The following AUTS2 variants were observed in gnomAD, a reference collection of about 807,000 sequenced individuals.
The protein encoded by AUTS2 is autism susceptibility gene 2 protein.
In AUTS2, 17 loss-of-function variants were observed where a neutral mutation model predicts 112.4. That is an observed-to-expected ratio of 0.15 (90% CI 0.10 to 0.23). AUTS2 has a LOEUF of 0.23. Among genes scored for constraint, AUTS2 ranks in the 10% least tolerant of loss-of-function variants. The pLI is 1.00. For missense variants in AUTS2, 1,510 were observed against 1,701.6 expected, an observed-to-expected ratio of 0.89 and a Z score of 1.98; for synonymous variants, 751 against 702.7, an observed-to-expected ratio of 1.07 and a Z score of -1.09.
At chr7:70,033,915 C>T (rs141621413) in intron 2 of AUTS2, among the ~76,000 whole-genome samples, 186 of 152,044 alleles carry the variant, frequency 1.2e-3, no homozygotes, top group African/African-American at 4.2e-3. Flanking sequence ...GGGTGAACAC[C>T]GTTAATCTTT....
At chr7:70,716,221 G>A (rs1159915296) in intron 6 of AUTS2, among the ~76,000 whole-genome samples, 11 of 152,308 alleles carry the variant, frequency 7.2e-5, no homozygotes, top group Admixed American at 5.2e-4. Flanking sequence ...TTACCTGTGA[G>A]AACACTGGTG....
At chr7:70,512,839 A>AG (rs1799251838) in intron 5 of AUTS2, among the ~76,000 whole-genome samples, 1 of 150,210 alleles carries the variant, frequency 6.7e-6, no homozygotes, top group South Asian at 2.1e-4. Context: ...CACTTAAAGA[A>AG]AAAAAAAAAA....
intron 1 of AUTS2, among the ~76,000 whole-genome samples, chr7:69,674,057 G>T (rs1348058732): frequency 6.6e-6 from 1 of 152,234 alleles, no homozygotes; most frequent in Non-Finnish European, 1.5e-5. Context: ...TCTTGCTCCT[G>T]TTTTGCAAAG....
At chr7:70,333,356 G>C (rs1790844709) in intron 4 of AUTS2, among the ~76,000 whole-genome samples, 1 of 152,188 alleles carries the variant, frequency 6.6e-6, no homozygotes, top group South Asian at 2.1e-4. Context: ...TACACTGTTG[G>C]TGGGAGTGTA....
At chr7:70,267,071 A>T (rs1014194770) in intron 4 of AUTS2, among the ~76,000 whole-genome samples, 9 of 152,206 alleles carry the variant, frequency 5.9e-5, no homozygotes, top group African/African-American at 1.9e-4. Flanking sequence ...AAATCAAATC[A>T]TATCTGCTTT....
chr7:70,141,031 G>A (rs1806834140), intron 4 of AUTS2, among the ~76,000 whole-genome samples: 2 of 152,166 alleles, frequency 1.3e-5, no homozygotes, highest in African/African-American at 4.8e-5. Context: ...TAGAGCACTT[G>A]GAAGTATAAA....
At chr7:69,631,012 AG>A (rs1308004300) in intron 1 of AUTS2, among the ~76,000 whole-genome samples, 2 of 152,030 alleles carry the variant, frequency 1.3e-5, no homozygotes, top group African/African-American at 4.8e-5. Context: ...GATTACCTAT[AG>A]GGCATTGGTC....
intron 1 of AUTS2, among the ~76,000 whole-genome samples, chr7:69,696,802 T>C (rs1390946106): frequency 6.6e-6 from 1 of 152,238 alleles, no homozygotes. Context: ...TTGACTTTTG[T>C]ATTTTCATTG....
chr7:70,764,793 C>T lies in AUTS2; in HGVS notation c.1256C>T (p.Pro419Leu). The T allele has an allele frequency of 1.1e-6, 1 of 871,592 alleles. No homozygotes were observed. The highest frequency in any genetic ancestry group is 1.9e-6 in the Non-Finnish European group (1 of 525,390). 54.0% of individuals were successfully genotyped at this position (871,592 alleles called of 1,614,324 possible). ...ACTCCAGCGAAGACTCAGCCCGCCC[C>T]ACCTCACATCTCCCACCACCCCTCT... ...SSTPAKTQPA[P>L]PHISHHPSAS... is the part of the protein sequence containing the mutation. The change falls in exon 8 of 19, where the codon CCA (proline) becomes CTA (leucine). Residue 419 changes from proline to leucine, a missense_variant. By Grantham distance (98) the Pro-to-Leu change is moderately conservative. Coordinates refer to ENST00000342771, the MANE Select transcript of AUTS2 (RefSeq NM_015570.4).
intron 1 of AUTS2, among the ~76,000 whole-genome samples, chr7:69,886,066 A>G (rs1794258174): frequency 6.6e-6 from 1 of 152,218 alleles, no homozygotes; most frequent in Admixed American, 6.5e-5. Flanking sequence ...TTTGTGTGCT[A>G]AATAGCCTCC....
chr7:70,695,747 A>G (rs751350893), intron 5 of AUTS2, among the ~76,000 whole-genome samples: 3 of 152,156 alleles, frequency 2.0e-5, no homozygotes, highest in Non-Finnish European at 4.4e-5. Flanking sequence ...AACGCCAACT[A>G]CGGCTTCTAG....
chr7:69,767,938 C>T (rs930816922), intron 1 of AUTS2, among the ~76,000 whole-genome samples: 1 of 152,202 alleles, frequency 6.6e-6, no homozygotes, highest in Non-Finnish European at 1.5e-5. Context: ...CTCTTCTGTG[C>T]CTTGCTTTGA....
chr7:70,028,116 T>C (rs1380707467), intron 2 of AUTS2, among the ~76,000 whole-genome samples: 1 of 151,214 alleles, frequency 6.6e-6, no homozygotes, highest in Non-Finnish European at 1.5e-5. Context: ...TTGCATGCTC[T>C]CTGACTCTCT....
chr7:69,904,896 G>A (rs976360823), intron 2 of AUTS2, among the ~76,000 whole-genome samples: 3 of 152,282 alleles, frequency 2.0e-5, no homozygotes, highest in Admixed American at 1.3e-4. Flanking sequence ...TGATTGACTT[G>A]AATAAGAGTG....
At chr7:70,612,326 A>G (rs38294) in intron 5 of AUTS2, among the ~76,000 whole-genome samples, 21,768 of 152,130 alleles carry the variant, frequency 0.14, 1,961 homozygotes, top group East Asian at 0.38. Flanking sequence ...TGGCTTACAG[A>G]GAGTCCCTGT....
At chr7:70,050,527 T>G in intron 2 of AUTS2, among the ~76,000 whole-genome samples, 1 of 152,038 alleles carries the variant, frequency 6.6e-6, no homozygotes, top group East Asian at 1.9e-4. Context: ...TTCTTGTGCC[T>G]CTTGTGTGGC....
At position 70,303,434 on chromosome 7, in the gene AUTS2, G is replaced by GCACACACACACACACACACA. The variant is rs1427875852; in HGVS notation, c.661-132314_661-132313insCACACACACACACACACACA. Among the ~76,000 whole-genome samples, 21 of 142,050 alleles carry GCACACACACACACACACACA rather than the reference G, an allele frequency of 1.5e-4. No individual in the cohort carries two copies. The East Asian group carries it at 2.3e-3, about 16-fold the overall frequency. The allele number at this position is 142,050 out of a possible 152,430, so 93.2% of individuals were successfully genotyped here. A position where few individuals can be genotyped will look rare whatever the true frequency, so the allele number is the denominator to read the frequency against. ...CACGCACACACACACGCGCGCGCGC[G>GCACACACACACACACACACA]CACATACACACACACACACACACAC... On this transcript the variant is annotated intron_variant, in intron 4 of 18. Coordinates refer to ENST00000342771, the MANE Select transcript of AUTS2 (RefSeq NM_015570.4).
chr7:70,133,855 C>G (rs939305301), intron 3 of AUTS2, among the ~76,000 whole-genome samples: 1 of 152,124 alleles, frequency 6.6e-6, no homozygotes, highest in Non-Finnish European at 1.5e-5. Flanking sequence ...TTTTTAAATT[C>G]CCTGTGTGTC....
At chr7:70,126,309 T>C (rs888567519) in intron 3 of AUTS2, among the ~76,000 whole-genome samples, 1 of 152,052 alleles carries the variant, frequency 6.6e-6, no homozygotes, top group African/African-American at 2.4e-5. Flanking sequence ...CTCGGGAGGC[T>C]GAGGCAGGAG....
Sources: allele counts gnomAD v4.1 joint callset (sites outside exome capture counted in the v4.1 genomes callset), GRCh38; gene constraint gnomAD v4.1.1; transcripts MANE v1.5; gene names NCBI Gene and HGNC (gene_info 2026-07-23, HGNC 2026-07-21).